FAR2: variants seen among roughly 807,000 people sequenced by gnomAD.
FAR2 encodes the protein epididymis secretory protein Li 81.
FAR2 carries 19 observed loss-of-function variants against 56.0 expected under a neutral mutation model. The ratio of observed to expected loss-of-function variants is 0.34; its 90% CI spans 0.24 to 0.50. The LOEUF is 0.50. Among genes scored for constraint, FAR2 ranks in the 20% least tolerant of loss-of-function variants. The pLI, the probability that FAR2 is intolerant of heterozygous loss-of-function variation, is 0.98. For synonymous variants in FAR2, 219 were observed against 218.8 expected, an observed-to-expected ratio of 1.00 and a Z score of -0.01; for missense variants, 508 against 642.2, an observed-to-expected ratio of 0.79 and a Z score of 2.26.
intron 1 of FAR2, among the ~76,000 whole-genome samples, chr12:29,260,140 G>A (rs1220518070): frequency 2.0e-5 from 3 of 152,126 alleles, no homozygotes; most frequent in Admixed American, 6.5e-5. Flanking sequence ...TAACAAAGTT[G>A]TAACATATGA....
chr12:29,169,601 C>A (rs1949865959), intron 1 of FAR2, among the ~76,000 whole-genome samples: 1 of 152,128 alleles, frequency 6.6e-6, no homozygotes, highest in South Asian at 2.1e-4. Flanking sequence ...TCCTACTATC[C>A]CTGACTGGTT....
rs552158707 is a variant in FAR2, at chr12:29,326,237, C to A, written c.1257+4313C>A. Reference sequence around the variant, plus strand: ...AATCTCTGAATAGACCAATAACAGGCTCTGAAATTGAGGCAATAATTAATA... The same window carrying A: ...AATCTCTGAATAGACCAATAACAGGATCTGAAATTGAGGCAATAATTAATA... On this transcript the variant is annotated intron_variant, in intron 10 of 11. Transcript: ENST00000536681. Among the ~76,000 whole-genome samples the A allele has an allele frequency of 1.1e-4, 16 of 152,122 alleles. No homozygotes were observed. The East Asian group carries it at 3.1e-3, about 29-fold the overall frequency.
chr12:29,183,157 T>G (rs1242568977), intron 1 of FAR2, among the ~76,000 whole-genome samples: 1 of 152,162 alleles, frequency 6.6e-6, no homozygotes, highest in Non-Finnish European at 1.5e-5. Context: ...ACCCCTTCTT[T>G]TTGGCCTTTA....
chr12:29,228,146 A>G (rs1947799851), intron 1 of FAR2, among the ~76,000 whole-genome samples: 1 of 152,024 alleles, frequency 6.6e-6, no homozygotes, highest in African/African-American at 2.4e-5. Context: ...AAAAGGAAAA[A>G]AAAAAAAAGA....
chr12:29,232,335 A>C (rs1285730807), intron 1 of FAR2, among the ~76,000 whole-genome samples: 1 of 152,042 alleles, frequency 6.6e-6, no homozygotes, highest in African/African-American at 2.4e-5. Flanking sequence ...CCAATATCCA[A>C]ATTACAAACT....
At chr12:29,279,300 TCAAA>T (rs1183919219) in intron 2 of FAR2, among the ~76,000 whole-genome samples, 2 of 152,304 alleles carry the variant, frequency 1.3e-5, no homozygotes, top group Non-Finnish European at 2.9e-5. Context: ...AAATTTAGAA[TCAAA>T]CAACAAAAAG....
intron 3 of FAR2, among the ~76,000 whole-genome samples, chr12:29,294,115 T>G (rs1048431079): frequency 8.5e-5 from 13 of 152,178 alleles, no homozygotes; most frequent in African/African-American, 3.1e-4. Flanking sequence ...ATTTTTACAG[T>G]CACAAAATAA....
intron 1 of FAR2, among the ~76,000 whole-genome samples, chr12:29,182,401 T>A (rs1024308990): frequency 1.3e-5 from 2 of 152,078 alleles, no homozygotes; most frequent in East Asian, 3.9e-4. Flanking sequence ...AGACACAGAG[T>A]GCTGATTGGA....
intron 8 of FAR2, among the ~76,000 whole-genome samples, chr12:29,315,506 T>A (rs910739958): frequency 2.0e-5 from 3 of 152,178 alleles, no homozygotes; most frequent in African/African-American, 7.2e-5. Flanking sequence ...TCACTCCGGC[T>A]GCCACATGGA....
rs1948871739 is a variant in FAR2 at position 29,286,088 on chromosome 12, CAT to C, written c.190-7210_190-7209del. ...AGACACACACACACACACACACACACATACACACACACACAACACAGCTTTCT... is the reference window on the plus strand; with the variant it reads ...AGACACACACACACACACACACACACACACACACACACAACACAGCTTTCT... On this transcript the variant is annotated intron_variant, in intron 2 of 11. Transcript: ENST00000536681. 2.1e-5 allele frequency among the ~76,000 whole-genome samples: 3 copies of C among 143,344 alleles called. No individual in the cohort carries two copies. The Admixed American group carries it at 2.1e-4, about 10-fold the overall frequency. 94.0% of individuals were successfully genotyped at this position (143,344 alleles called of 152,430 possible). A position where few individuals can be genotyped will look rare whatever the true frequency, so the allele number is the denominator to read the frequency against.
At chr12:29,305,110 ATTTGT>A (rs1365630913) in intron 4 of FAR2, among the ~76,000 whole-genome samples, 7 of 150,758 alleles carry the variant, frequency 4.6e-5, no homozygotes, top group East Asian at 2.0e-4. Flanking sequence ...TTTTATTTTT[ATTTGT>A]TTTATTTGTT....
intron 1 of FAR2, among the ~76,000 whole-genome samples, chr12:29,168,292 G>A (rs562277890): frequency 6.6e-5 from 10 of 152,176 alleles, no homozygotes; most frequent in Non-Finnish European, 1.3e-4. Context: ...GTGAGGGTAC[G>A]TGGGGGACCT....
At chr12:29,326,449 A>C (rs559016165) in intron 10 of FAR2, among the ~76,000 whole-genome samples, 5,277 of 152,116 alleles carry the variant, frequency 0.035, 256 homozygotes, top group African/African-American at 0.12. Flanking sequence ...GACACAACAA[A>C]AAAAGAGAAT....
chr12:29,280,731 C>T (rs1948772240), intron 2 of FAR2: 1 of 152,174 alleles, frequency 6.6e-6, no homozygotes, highest in Non-Finnish European at 1.5e-5. Flanking sequence ...TCTAAACCAT[C>T]CAAGGTCTCT....
chr12:29,307,585 T>C (rs947890386), intron 4 of FAR2, 73 bp from the exon 5 acceptor site: 1 of 1,429,566 alleles, frequency 7.0e-7, no homozygotes, highest in African/African-American at 1.4e-5. Flanking sequence ...TTTTGTTTGA[T>C]TGTGTCTCAC....
intron 1 of FAR2, among the ~76,000 whole-genome samples, chr12:29,162,360 A>G (rs1417232825): frequency 6.6e-6 from 1 of 152,254 alleles, no homozygotes; most frequent in African/African-American, 2.4e-5. Flanking sequence ...ACGGGCACAC[A>G]GTAGCAGTCT....
At position 29,177,119 on chromosome 12, in the gene FAR2, T is replaced by C. The variant is rs1949946252; in HGVS notation, c.-39+27712T>C. Among the ~76,000 whole-genome samples the C allele has an allele frequency of 2.0e-5, 3 of 152,192 alleles. No homozygotes were observed. In the South Asian group the frequency reaches 6.2e-4, roughly 32 times the overall value. On this transcript the variant is annotated intron_variant, in intron 1 of 11. Coordinates refer to ENST00000536681, the MANE Select transcript of FAR2 (RefSeq NM_001271783.2). ...ATTCGATTTAAATAAATAACCCGAT[T>C]ACGAGCCTGAGGAAGTTTATGAATG...
chr12:29,184,422 CTTTTTTTTTTTTTTTTTTTTT>C (rs71042961), intron 1 of FAR2, among the ~76,000 whole-genome samples: 2 of 59,716 alleles, frequency 3.3e-5, no homozygotes, highest in South Asian at 1.6e-3. Context: ...AATCTAGCAT[CTTTTTTTTTTTTTTTTTTTTT>C]TTTTTTTTTG....
intron 1 of FAR2, among the ~76,000 whole-genome samples, chr12:29,176,113 C>T (rs1949936086): frequency 1.3e-5 from 2 of 152,284 alleles, no homozygotes; most frequent in Admixed American, 1.3e-4. Context: ...CTAAACATAG[C>T]AGGAAGTATT....
Sources: gnomAD v4.1 joint callset for allele counts (sites outside exome capture counted in the v4.1 genomes callset) on GRCh38, gnomAD v4.1.1 for gene constraint, MANE v1.5 for transcripts, NCBI Gene and HGNC (gene_info 2026-07-23, HGNC 2026-07-21) for gene names.